AFG2A: variants seen among roughly 807,000 people sequenced by gnomAD.
The protein encoded by AFG2A is ATPase family gene 2 protein homolog A.
At chr4:122,994,151 G>A in the AFG2A span, among the ~76,000 whole-genome samples, 1,838 of 152,044 alleles carry the variant, frequency 0.012, 41 homozygotes, top group African/African-American at 0.041. Flanking sequence ...AGCACCTTTA[G>A]ATTTTCCATA....
At chr4:123,262,448 G>A in the AFG2A span, among the ~76,000 whole-genome samples, 713 of 152,310 alleles carry the variant, frequency 4.7e-3, 2 homozygotes, top group South Asian at 7.0e-3. Context: ...CAGAAACCAG[G>A]TCTCTCAGTT....
chr4:123,309,185 A>C, the AFG2A span, among the ~76,000 whole-genome samples: 1 of 152,212 alleles, frequency 6.6e-6, no homozygotes, highest in Non-Finnish European at 1.5e-5. Context: ...TCTATGGGAA[A>C]CAACGAGTGT....
the AFG2A span, among the ~76,000 whole-genome samples, chr4:122,989,731 A>T: frequency 2.0e-5 from 3 of 152,088 alleles, no homozygotes; most frequent in Admixed American, 1.3e-4. Context: ...GGAGAGCTGG[A>T]TGCTTATGTC....
the AFG2A span, among the ~76,000 whole-genome samples, chr4:123,090,011 G>A: frequency 1.3e-5 from 2 of 152,198 alleles, no homozygotes; most frequent in African/African-American, 4.8e-5. Flanking sequence ...AAAAAAACTA[G>A]CCTGCTTTCT....
At chr4:122,935,985 C>T in the AFG2A span, 1 of 1,292,964 alleles carries the variant, frequency 7.7e-7, no homozygotes, top group South Asian at 1.8e-5. Context: ...TTGGAAAATT[C>T]TTTTTGAAAG....
chr4:123,295,589 G>A, the AFG2A span, among the ~76,000 whole-genome samples: 43 of 152,376 alleles, frequency 2.8e-4, no homozygotes, highest in Admixed American at 4.6e-4. Flanking sequence ...GCCAGACGCC[G>A]TGGCTCACGC....
chr4:123,057,268 C>T, the AFG2A span: 1 of 1,613,640 alleles, frequency 6.2e-7, no homozygotes, highest in Non-Finnish European at 8.5e-7. Context: ...AACTGGATGC[C>T]TTAGCAGTTG....
the AFG2A span, among the ~76,000 whole-genome samples, chr4:123,140,522 TC>T: frequency 6.6e-6 from 1 of 151,780 alleles, no homozygotes. Flanking sequence ...AAAAAGCGAT[TC>T]TTTCTTGTAA....
chr4:123,303,583 G>A, the AFG2A span, among the ~76,000 whole-genome samples: 1 of 152,014 alleles, frequency 6.6e-6, no homozygotes, highest in Non-Finnish European at 1.5e-5. Context: ...TGGACAACAT[G>A]GTAAGACTTC....
At chr4:123,169,100 G>A in the AFG2A span, among the ~76,000 whole-genome samples, 2 of 152,162 alleles carry the variant, frequency 1.3e-5, no homozygotes, top group Admixed American at 1.3e-4. Context: ...GCAGATGGGG[G>A]GAAGGACAAA....
At chr4:122,951,456 A>ACACACACACACACACG in the AFG2A span, among the ~76,000 whole-genome samples, 1 of 151,040 alleles carries the variant, frequency 6.6e-6, no homozygotes, top group African/African-American at 2.4e-5. Context: ...ACACACACAC[A>ACACACACACACACACG]CACGCACGCA....
At chr4:123,314,038 G>C in the AFG2A span, 1 of 1,608,950 alleles carries the variant, frequency 6.2e-7, no homozygotes, top group East Asian at 2.2e-5. Context: ...AGATTATCAA[G>C]AGAAGAGTGG....
the AFG2A span, among the ~76,000 whole-genome samples, chr4:123,084,433 G>A: frequency 4.6e-5 from 7 of 151,704 alleles, no homozygotes; most frequent in African/African-American, 1.5e-4. Flanking sequence ...AATACTATAA[G>A]TTTTGCTTTA....
the AFG2A span, chr4:123,317,190 A>T: frequency 7.3e-6 from 1 of 137,692 alleles, no homozygotes; most frequent in African/African-American, 2.7e-5. Flanking sequence ...GCGCCACTGC[A>T]CTCCAGCCTG....
At chr4:122,974,967 C>T in the AFG2A span, among the ~76,000 whole-genome samples, 1 of 152,286 alleles carries the variant, frequency 6.6e-6, no homozygotes, top group African/African-American at 2.4e-5. Context: ...TAAGTTGAAT[C>T]CTAAGTCAGG....
chr4:123,284,773 C>T, the AFG2A span, among the ~76,000 whole-genome samples: 1 of 152,082 alleles, frequency 6.6e-6, no homozygotes, highest in Non-Finnish European at 1.5e-5. Flanking sequence ...TAATGTAACC[C>T]TTCCAGTAAT....
chr4:122,994,636 T>G, the AFG2A span, among the ~76,000 whole-genome samples: 1 of 151,788 alleles, frequency 6.6e-6, no homozygotes, highest in African/African-American at 2.4e-5. Context: ...TTTTCAGAAT[T>G]TGGACATTTG....
At chr4:123,291,647 G>A in the AFG2A span, among the ~76,000 whole-genome samples, 3 of 152,218 alleles carry the variant, frequency 2.0e-5, no homozygotes, top group Admixed American at 2.0e-4. Flanking sequence ...GTGATGGGCT[G>A]ACAGTTATTC....
At chr4:123,007,666 C>CACACACACAT in the AFG2A span, among the ~76,000 whole-genome samples, 1,637 of 126,266 alleles carry the variant, frequency 0.013, 72 homozygotes, top group African/African-American at 0.043. Flanking sequence ...CACACACACA[C>CACACACACAT]ATATATGGAC....
Sources: allele counts gnomAD v4.1 joint callset (sites outside exome capture counted in the v4.1 genomes callset), GRCh38; gene constraint gnomAD v4.1.1; transcripts MANE v1.5; gene names NCBI Gene and HGNC (gene_info 2026-07-23, HGNC 2026-07-21).